Variants in PLEKHA7 observed in about 807,000 individuals in gnomAD.
The protein encoded by PLEKHA7 is pleckstrin homology domain-containing family A member 7.
Under a neutral mutation model 170.0 loss-of-function variants are expected in PLEKHA7, and 104 were observed. That is an observed-to-expected ratio of 0.61 (90% CI 0.52 to 0.72). The LOEUF is 0.72. Ranked by LOEUF, PLEKHA7 falls within the 30% of genes least tolerant of loss-of-function variation. The probability of loss-of-function intolerance (pLI) is 0.00; values close to 1 mark genes in which losing one functional copy is unlikely to be tolerated. For missense variants in PLEKHA7, 1,615 were observed against 1,671.7 expected (o/e 0.97, Z 0.59); for synonymous variants, 648 against 660.8 (o/e 0.98, Z 0.30).
chr11:16,970,487 T>C (rs948095248), intron 3 of PLEKHA7, among the ~76,000 whole-genome samples: 4 of 151,896 alleles, frequency 2.6e-5, no homozygotes, highest in African/African-American at 4.8e-5. Context: ...AAGTGAGACC[T>C]TGTCTCTGTA....
intron 4 of PLEKHA7, among the ~76,000 whole-genome samples, chr11:16,867,482 C>T (rs1348414878): frequency 2.0e-5 from 3 of 152,188 alleles, no homozygotes; most frequent in Non-Finnish European, 4.4e-5. Flanking sequence ...AGCCAGTTTT[C>T]CTTTTTCCAC....
chr11:16,891,723 A>T (rs1856628773), intron 3 of PLEKHA7, among the ~76,000 whole-genome samples: 1 of 152,184 alleles, frequency 6.6e-6, no homozygotes, highest in South Asian at 2.1e-4. Context: ...CCACCCAATT[A>T]TGTGTTCACT....
chr11:16,886,372 T>A (rs1856101709), intron 3 of PLEKHA7, among the ~76,000 whole-genome samples: 1 of 151,920 alleles, frequency 6.6e-6, no homozygotes, highest in Admixed American at 6.6e-5. Flanking sequence ...TGCCACCATT[T>A]AAAAAAAATA....
At chr11:16,928,131 T>C (rs1271223341) in intron 3 of PLEKHA7, among the ~76,000 whole-genome samples, 1 of 152,126 alleles carries the variant, frequency 6.6e-6, no homozygotes, top group African/African-American at 2.4e-5. Flanking sequence ...TATCAACCCA[T>C]ATTAAAGTAT....
intron 7 of PLEKHA7, among the ~76,000 whole-genome samples, chr11:16,851,570 T>G (rs1467464375): frequency 1.3e-5 from 2 of 152,124 alleles, no homozygotes; most frequent in South Asian, 4.1e-4. Context: ...TGCCTTAGCC[T>G]CCTGAGTAGC....
chr11:16,814,001 G>A (rs1160278362), intron 12 of PLEKHA7, among the ~76,000 whole-genome samples: 6 of 152,170 alleles, frequency 3.9e-5, no homozygotes, highest in Non-Finnish European at 8.8e-5. Flanking sequence ...CAGACTAAGA[G>A]GGTCACAGCC....
At chr11:16,780,784 C>CCT (rs1361143146) in intron 26 of PLEKHA7, among the ~76,000 whole-genome samples, 1 of 152,212 alleles carries the variant, frequency 6.6e-6, no homozygotes, top group Non-Finnish European at 1.5e-5. Flanking sequence ...TTCCCACCTG[C>CCT]CTACCAGTCA....
rs567503249 is a variant in PLEKHA7 at position 16,826,501 on chromosome 11, G to A, written c.962C>T (p.Thr321Met). 87 of 1,614,198 alleles carry A rather than the reference G, an allele frequency of 5.4e-5. 1 individual carries two copies. In the South Asian group the frequency reaches 6.0e-4, roughly 11 times the overall value. The change falls in exon 10 of 27, where the codon ACG becomes ATG. Residue 321 changes from threonine (T) to methionine (M), a missense_variant. Coordinates refer to ENST00000531066, the MANE Select transcript of PLEKHA7 (RefSeq NM_001329630.2). ...ATGGCCACGATGAGGACAATCTCTC[G>A]TATGTCCGGGTCCCACCCGGCCACA... ...HECGRVGPGH[T>M]RDCPHRGHDD...
chr11:16,827,106 A>G (rs530422426), intron 9 of PLEKHA7, among the ~76,000 whole-genome samples: 2 of 152,294 alleles, frequency 1.3e-5, no homozygotes, highest in African/African-American at 4.8e-5. Context: ...CAATTTGTCC[A>G]TTTGGGGCTT....
chr11:16,798,490 G>A (rs1288403419), intron 17 of PLEKHA7, among the ~76,000 whole-genome samples: 1 of 152,120 alleles, frequency 6.6e-6, no homozygotes, highest in Non-Finnish European at 1.5e-5. Context: ...AGGATTCTAG[G>A]CCTGCTATAT....
chr11:16,849,180 A>T (rs1420021869), intron 8 of PLEKHA7, among the ~76,000 whole-genome samples: 1 of 152,222 alleles, frequency 6.6e-6, no homozygotes. Flanking sequence ...CTCTCTTAGT[A>T]AAGTCTTTCC....
intron 3 of PLEKHA7, among the ~76,000 whole-genome samples, chr11:16,908,032 AG>A: frequency 6.6e-6 from 1 of 151,544 alleles, no homozygotes; most frequent in Non-Finnish European, 1.5e-5. Flanking sequence ...GGGTGGTGCA[AG>A]ATGTGCTTTG....
intron 10 of PLEKHA7, among the ~76,000 whole-genome samples, chr11:16,819,463 C>T (rs1850045094): frequency 1.3e-5 from 2 of 152,212 alleles, no homozygotes; most frequent in Non-Finnish European, 2.9e-5. Flanking sequence ...TTTACTAAGC[C>T]TGAGAGGCAG....
At chr11:16,872,854 C>G (rs1307796757) in intron 3 of PLEKHA7, among the ~76,000 whole-genome samples, 1 of 151,960 alleles carries the variant, frequency 6.6e-6, no homozygotes, top group African/African-American at 2.4e-5. Flanking sequence ...CTACTGGGCA[C>G]CCATGTGCTA....
intron 3 of PLEKHA7, among the ~76,000 whole-genome samples, chr11:16,963,189 T>A (rs1017671268): frequency 6.6e-6 from 1 of 152,182 alleles, no homozygotes; most frequent in Admixed American, 6.6e-5. Context: ...GATGGTGACA[T>A]TAGAAAAGCA....
At chr11:16,798,807 C>T (rs1848405495) in intron 17 of PLEKHA7, among the ~76,000 whole-genome samples, 1 of 152,308 alleles carries the variant, frequency 6.6e-6, no homozygotes, top group African/African-American at 2.4e-5. Flanking sequence ...AGGAGCCTAT[C>T]TTACACAGAT....
At chr11:16,853,263 G>A (rs1313109739) in intron 6 of PLEKHA7, among the ~76,000 whole-genome samples, 4 of 152,136 alleles carry the variant, frequency 2.6e-5, no homozygotes. Flanking sequence ...TGACAAGCTT[G>A]AAAAACATCT....
chr11:16,890,852 T>A (rs1037207012), intron 3 of PLEKHA7, among the ~76,000 whole-genome samples: 2 of 152,122 alleles, frequency 1.3e-5, no homozygotes, highest in Admixed American at 1.3e-4. Flanking sequence ...TGAAAAAATA[T>A]ATATATATAT....
At chr11:17,000,416 T>G (rs1052383626) in intron 3 of PLEKHA7, among the ~76,000 whole-genome samples, 1 of 152,214 alleles carries the variant, frequency 6.6e-6, no homozygotes, top group Non-Finnish European at 1.5e-5. Flanking sequence ...ATCTTCTCTC[T>G]GGTTGGACAC....
Sources: gnomAD v4.1 joint callset for allele counts (sites outside exome capture counted in the v4.1 genomes callset) on GRCh38, gnomAD v4.1.1 for gene constraint, MANE v1.5 for transcripts, NCBI Gene and HGNC (gene_info 2026-07-23, HGNC 2026-07-21) for gene names.